Variants in C8orf33 observed in about 807,000 individuals in gnomAD.
The protein encoded by C8orf33 is chromosome 8 open reading frame 33.
Under a neutral mutation model 25.7 loss-of-function variants are expected in C8orf33, and 28 were observed. The observed-to-expected ratio is 1.09, with a 90% CI of 0.81 to 1.49. C8orf33 has a LOEUF of 1.49. Among genes scored for constraint, C8orf33 ranks in the 40% most tolerant of loss-of-function variants. C8orf33 has a pLI of 0.00. For missense variants in C8orf33, 369 were observed against 294.4 expected (o/e 1.25, Z -1.85); for synonymous variants, 153 against 115.9 (o/e 1.32, Z -2.06).
At chr8:145,053,687 C>A in intron 4 of C8orf33, 1 of 587,344 alleles carries the variant, frequency 1.7e-6, no homozygotes, top group Non-Finnish European at 3.0e-6. Context: ...GTTGGTCCTG[C>A]TCCTGGGTTG....
At position 145,054,445 on chromosome 8, in the gene C8orf33, G is replaced by A. The variant is rs565055888; in HGVS notation, c.*288G>A. 3.2e-6 allele frequency: 1 copy of A among 310,650 alleles called. No individual in the cohort carries two copies. Among genetic ancestry groups the A allele is most frequent in the African/African-American group, 2.1e-5 (1 of 46,568 alleles). 19.2% of individuals were successfully genotyped at this position (310,650 alleles called of 1,614,324 possible). A position where few individuals can be genotyped will look rare whatever the true frequency, so the allele number is the denominator to read the frequency against. On this transcript the variant is annotated 3_prime_UTR_variant, in exon 5 of 5. Transcript: ENST00000331434. ...TTCAAAGTATTGTAGAAGGAATATTGTACTCAGTCTTTAGGATTAGATTAA... is the reference window on the plus strand; with the variant it reads ...TTCAAAGTATTGTAGAAGGAATATTATACTCAGTCTTTAGGATTAGATTAA...
In C8orf33 at chr8:145,052,723, T is replaced by C; in HGVS notation, c.144T>C (p.Pro48=). ...CTGTCTGTCTCTGCCCAGAGCAACC[T>C]ACGTGCAGTAACGCTGACTCCAGAG... is the stretch of plus-strand genomic sequence containing the variant. ...PSTVCLCPEQ[P]TCSNADSRAH... The change falls in exon 2 of 5, where the codon CCT becomes CCC. Residue 48 remains proline (P), a synonymous_variant. Coordinates refer to ENST00000331434, the MANE Select transcript of C8orf33 (RefSeq NM_023080.3). 6.2e-7 allele frequency: 1 copy of C among 1,614,090 alleles called. No homozygotes were observed. The highest frequency in any genetic ancestry group is 2.2e-5 in the East Asian group (1 of 44,874).
rs766171397 is a variant in C8orf33 at position 145,052,912 on chromosome 8, C to T, written c.318+15C>T. 9 of 1,607,370 alleles carry T rather than the reference C, an allele frequency of 5.6e-6. No homozygotes were observed. The East Asian group carries it at 1.3e-4, about 24-fold the overall frequency. On this transcript the variant is annotated intron_variant, in intron 2 of 4. Transcript: ENST00000331434. The stretch of plus-strand genomic sequence containing the variant: ...CTGAGGCCCAGGCAAGGGCGGGCTT[C>T]GGTCGGGAAGGGTGGAATCCACGGG...
At chr8:145,053,890 T>C (rs539305011) in intron 4 of C8orf33, 128 bp from the exon 5 acceptor site, 139 of 1,210,696 alleles carry the variant, frequency 1.1e-4, no homozygotes, top group Non-Finnish European at 1.5e-4. Flanking sequence ...ATATCAACCT[T>C]ACAAATTTGA....
chr8:145,053,347 T>G lies in C8orf33; in HGVS notation c.454T>G (p.Leu152Val). The change falls in exon 4 of 5, where the codon TTG becomes GTG. Residue 152 changes from leucine to valine, a missense_variant. By Grantham distance (32) the Leu-to-Val change is conservative (BLOSUM62 1). Coordinates refer to ENST00000331434, the MANE Select transcript of C8orf33 (RefSeq NM_023080.3). ...IRTLRSKRTP[L>V]PRKRQLMHSL... ...AACCCTGCGCAGCAAAAGAACGCCC[T>G]TGCCCCGGAAGAGGCAGCTGATGCA... The G allele has an allele frequency of 1.2e-6, 2 of 1,614,222 alleles. No homozygotes were observed. Among genetic ancestry groups the G allele is most frequent in the Non-Finnish European group, 1.7e-6 (2 of 1,180,030 alleles).
rs1316556519 is a variant in C8orf33, at chr8:145,055,513, T to C, written c.*1356T>C. 31 of 170,538 alleles carry C rather than the reference T, an allele frequency of 1.8e-4. No individual in the cohort carries two copies. The highest frequency in any genetic ancestry group is 2.5e-3 in the Middle Eastern group (1 of 402). 10.6% of individuals were successfully genotyped at this position (170,538 alleles called of 1,614,324 possible). A position where few individuals can be genotyped will look rare whatever the true frequency, so the allele number is the denominator to read the frequency against. On this transcript the variant is annotated 3_prime_UTR_variant, in exon 5 of 5. Transcript: ENST00000331434. ...CCATGGTCTAGCAGTAGCATCAGTG[T>C]CAAGGAAAAACACCCACTACTTAGC...
intron 1 of C8orf33, 43 bp from the exon 2 acceptor site, chr8:145,052,543 T>C (rs1835288756): frequency 6.2e-7 from 1 of 1,600,776 alleles, no homozygotes; most frequent in Non-Finnish European, 8.5e-7. Context: ...CCTTGCATTG[T>C]TGGCGGCTCT....
At chr8:145,052,947 A>G in intron 2 of C8orf33, 50 bp downstream of exon 2, 1 of 1,583,878 alleles carries the variant, frequency 6.3e-7, no homozygotes, top group Non-Finnish European at 8.6e-7. Flanking sequence ...GTGCGAATCC[A>G]CGGGCACGTG....
In C8orf33 at chr8:145,052,731, G is replaced by T. The variant is rs1302902831; in HGVS notation, c.152G>T (p.Ser51Ile). Residue 51 changes from serine to isoleucine, a missense_variant, in exon 2 of 5, where the codon AGT (serine) becomes ATT (isoleucine). Physicochemically the swap from Ser to Ile is moderately radical, Grantham distance 142. Transcript: ENST00000331434. The stretch of plus-strand genomic sequence containing the variant: ...CTCTGCCCAGAGCAACCTACGTGCA[G>T]TAACGCTGACTCCAGAGCGCACCCG... ...VCLCPEQPTC[S>I]NADSRAHPLG... 6.2e-7 allele frequency: 1 copy of T among 1,614,100 alleles called. No individual in the cohort carries two copies. The highest frequency in any genetic ancestry group is 8.5e-7 in the Non-Finnish European group (1 of 1,180,042).
chr8:145,053,624 C>A (rs936690691), intron 4 of C8orf33, 181 bp downstream of exon 4: 17 of 660,350 alleles, frequency 2.6e-5, no homozygotes, highest in Admixed American at 1.2e-4. Flanking sequence ...TAGGACTGAA[C>A]CTGGGAAGCA....
rs747377871 is a variant in C8orf33 at position 145,054,195 on chromosome 8, G to A, written c.*38G>A. On this transcript the variant is annotated 3_prime_UTR_variant, in exon 5 of 5. Transcript: ENST00000331434. ...CCTGAAACAATCCCCCTCCCTTGGGGTGGTGTAGGGGTTTGTTTTGAGTGC... is the reference window on the plus strand; with the variant it reads ...CCTGAAACAATCCCCCTCCCTTGGGATGGTGTAGGGGTTTGTTTTGAGTGC... 3.1e-6 allele frequency: 5 copies of A among 1,609,772 alleles called. No individual in the cohort carries two copies. The South Asian group carries it at 3.3e-5, about 11-fold the overall frequency.
chr8:145,052,518 G>GC, intron 1 of C8orf33, 21 bp downstream of exon 1: 3 of 1,600,106 alleles, frequency 1.9e-6, no homozygotes, highest in Non-Finnish European at 2.5e-6. Context: ...TGGAGAAGAC[G>GC]CGCGGGTGGC....
In C8orf33 at chr8:145,054,334, C is replaced by A; in HGVS notation, c.*177C>A. On this transcript the variant is annotated 3_prime_UTR_variant, in exon 5 of 5. Transcript: ENST00000331434. ...TGAGACCATCAGATAGGCAAAAGAC[C>A]CCGTTCGTTTTCTGATGAAATGTTC... is the stretch of plus-strand genomic sequence containing the variant. The A allele has an allele frequency of 3.4e-6, 2 of 584,134 alleles. No individual in the cohort carries two copies. Among genetic ancestry groups the A allele is most frequent in the South Asian group, 5.3e-5 (2 of 37,466 alleles). The allele number at this position is 584,134 out of a possible 1,614,324, so 36.2% of individuals were successfully genotyped here. A position where few individuals can be genotyped will look rare whatever the true frequency, so the allele number is the denominator to read the frequency against.
At position 145,054,005 on chromosome 8, in the gene C8orf33, C is replaced by T. The variant is rs1477293754; in HGVS notation, c.551-13C>T. 1 of 1,612,782 alleles carries T rather than the reference C, an allele frequency of 6.2e-7. No homozygotes were observed. Among genetic ancestry groups the T allele is most frequent in the Non-Finnish European group, 8.5e-7 (1 of 1,179,840 alleles). The stretch of plus-strand genomic sequence containing the variant: ...TATTCAGTTCTGACATACGCTGCTT[C>T]TCTCCCCGACAGCTGCTTATTCAGC... On this transcript the variant is annotated splice_polypyrimidine_tract_variant and intron_variant, in intron 4 of 4. Coordinates refer to ENST00000331434, the MANE Select transcript of C8orf33 (RefSeq NM_023080.3).
Position 145,054,367 on chromosome 8 carries a change from C to G in C8orf33, c.*210C>G, listed in dbSNP as rs1835326238. On this transcript the variant is annotated 3_prime_UTR_variant, in exon 5 of 5. Coordinates refer to ENST00000331434, the MANE Select transcript of C8orf33 (RefSeq NM_023080.3). ...TTTTCTGATGAAATGTTCTCTCTTT[C>G]AGAAGAGAGAGAGAGGTGCATTTAG... 2 of 502,754 alleles carry G rather than the reference C, an allele frequency of 4.0e-6. No individual in the cohort carries two copies. Among genetic ancestry groups the G allele is most frequent in the East Asian group, 6.5e-5 (2 of 30,812 alleles). The allele number at this position is 502,754 out of a possible 1,614,324, so 31.1% of individuals were successfully genotyped here.
In C8orf33 at chr8:145,055,522, A is replaced by G; in HGVS notation, c.*1365A>G. On this transcript the variant is annotated 3_prime_UTR_variant, in exon 5 of 5. Transcript: ENST00000331434. ...AGCAGTAGCATCAGTGTCAAGGAAAAACACCCACTACTTAGCAGACTGGGA... is the reference window on the plus strand; with the variant it reads ...AGCAGTAGCATCAGTGTCAAGGAAAGACACCCACTACTTAGCAGACTGGGA... 1 of 172,926 alleles carries G rather than the reference A, an allele frequency of 5.8e-6. No homozygotes were observed. The highest frequency in any genetic ancestry group is 1.4e-4 in the South Asian group (1 of 7,338). 10.7% of individuals were successfully genotyped at this position (172,926 alleles called of 1,614,324 possible).
At chr8:145,053,017 G>GT in intron 2 of C8orf33, 45 bp from the exon 3 acceptor site, 1 of 1,613,490 alleles carries the variant, frequency 6.2e-7, no homozygotes, top group Non-Finnish European at 8.5e-7. Context: ...GGCGGCTATG[G>GT]TTTTCCAGTG....
Position 145,053,298 on chromosome 8 carries a change from A to C in C8orf33, c.405A>C (p.Lys135Asn). ...CTAGTCCTTTATTTTTATTCGCAGA[A>C]GAGCAGGCTATTGGAGCAATCCGAA... The part of the protein sequence containing the change: ...LKRQKPTPKQ[K>N]EQAIGAIRTL... Residue 135 changes from lysine (K) to asparagine (N), a missense_variant and splice_region_variant, in exon 4 of 5, where the codon AAA (lysine) becomes AAC (asparagine). By Grantham distance (94) the Lys-to-Asn change is moderately conservative. Transcript: ENST00000331434. 1 of 1,614,104 alleles carries C rather than the reference A, an allele frequency of 6.2e-7. No individual in the cohort carries two copies.
In C8orf33 at chr8:145,052,874, G is replaced by A; in HGVS notation, c.295G>A (p.Val99Ile). The change falls in exon 2 of 5, where the codon GTT becomes ATT. Residue 99 changes from valine (V) to isoleucine (I), a missense_variant. Val to Ile is a conservative substitution (Grantham distance 29, BLOSUM62 3). Coordinates refer to ENST00000331434, the MANE Select transcript of C8orf33 (RefSeq NM_023080.3). ...KASEKLAPEE[V>I]PLSAEAQAQQ... ...CTCAGAGAAACTCGCCCCAGAAGAA[G>A]TTCCCCTAAGCGCTGAGGCCCAGGC... 3 of 1,613,124 alleles carry A rather than the reference G, an allele frequency of 1.9e-6. No individual in the cohort carries two copies. Among genetic ancestry groups the A allele is most frequent in the Non-Finnish European group, 2.5e-6 (3 of 1,179,684 alleles).
Sources: gnomAD v4.1 joint callset for allele counts on GRCh38, gnomAD v4.1.1 for gene constraint, MANE v1.5 for transcripts, NCBI Gene and HGNC (gene_info 2026-07-23, HGNC 2026-07-21) for gene names.